TMEM178B: variants seen among roughly 807,000 people sequenced by gnomAD.
TMEM178B encodes transmembrane protein 178B.
TMEM178B carries 5 observed loss-of-function variants against 31.0 expected under a neutral mutation model. The observed-to-expected ratio is 0.16, with a 90% confidence interval of 0.08 to 0.34. TMEM178B has a LOEUF of 0.34. TMEM178B is among the 10% of genes least tolerant of loss of function. The probability of loss-of-function intolerance (pLI) is 1.00; values close to 1 mark genes in which losing one functional copy is unlikely to be tolerated. For missense variants in TMEM178B, 275 were observed against 400.3 expected, an observed-to-expected ratio of 0.69 and a Z score of 2.67; for synonymous variants, 164 against 164.0, an observed-to-expected ratio of 1.00 and a Z score of 0.00.
At chr7:141,087,660 A>G (rs1206675254) in intron 1 of TMEM178B, among the ~76,000 whole-genome samples, 5 of 152,158 alleles carry the variant, frequency 3.3e-5, no homozygotes, top group Admixed American at 2.0e-4. Flanking sequence ...GAAATAGAGT[A>G]TATTTGTCTT....
intron 3 of TMEM178B, among the ~76,000 whole-genome samples, chr7:141,453,227 C>T (rs546055030): frequency 6.6e-6 from 1 of 152,326 alleles, no homozygotes; most frequent in East Asian, 1.9e-4. Context: ...GAGTCAAAAC[C>T]TCCTTGGTGG....
chr7:141,364,267 TCA>T (rs1429274447), intron 2 of TMEM178B, among the ~76,000 whole-genome samples: 1 of 152,182 alleles, frequency 6.6e-6, no homozygotes, highest in Non-Finnish European at 1.5e-5. Context: ...TCATTTTAGT[TCA>T]GTTAGAGATG....
chr7:141,501,411 TCTC>T, the TMEM178B span, among the ~76,000 whole-genome samples: 2 of 151,980 alleles, frequency 1.3e-5, no homozygotes, highest in Non-Finnish European at 2.9e-5. Flanking sequence ...TTTATAGTCT[TCTC>T]CTTATCTACA....
chr7:141,357,945 A>G (rs568196808), intron 2 of TMEM178B, among the ~76,000 whole-genome samples: 2 of 152,314 alleles, frequency 1.3e-5, no homozygotes, highest in African/African-American at 4.8e-5. Flanking sequence ...GTTACAGACT[A>G]CAGAGTCCCA....
chr7:141,163,332 C>T (rs1313531867), intron 1 of TMEM178B, among the ~76,000 whole-genome samples: 5 of 152,176 alleles, frequency 3.3e-5, no homozygotes, highest in Admixed American at 2.6e-4. Context: ...CTGTCACTCT[C>T]ACCATATGAT....
At chr7:141,452,932 A>G (rs1321173822) in intron 3 of TMEM178B, among the ~76,000 whole-genome samples, 1 of 152,186 alleles carries the variant, frequency 6.6e-6, no homozygotes, top group Admixed American at 6.5e-5. Flanking sequence ...GTCAGACACA[A>G]TCTTGTCTCA....
intron 2 of TMEM178B, among the ~76,000 whole-genome samples, chr7:141,371,295 G>T (rs576957284): frequency 6.7e-6 from 1 of 148,706 alleles, no homozygotes; most frequent in African/African-American, 2.5e-5. Flanking sequence ...GAGCTGGTTG[G>T]TAAAAAAAAA....
intron 2 of TMEM178B, among the ~76,000 whole-genome samples, chr7:141,397,935 T>C (rs1250061981): frequency 3.9e-5 from 6 of 152,162 alleles, no homozygotes; most frequent in Non-Finnish European, 8.8e-5. Context: ...AGCTGTGATA[T>C]TGGCCCCTCT....
At chr7:141,509,104 A>G in the TMEM178B span, among the ~76,000 whole-genome samples, 1 of 152,196 alleles carries the variant, frequency 6.6e-6, no homozygotes, top group Non-Finnish European at 1.5e-5. Context: ...TAAACATCCT[A>G]TTACATGTGT....
the TMEM178B span, among the ~76,000 whole-genome samples, chr7:141,503,482 C>A: frequency 3.3e-5 from 5 of 152,140 alleles, no homozygotes; most frequent in African/African-American, 1.2e-4. Flanking sequence ...GGAAGCATGG[C>A]CACTGTTAAA....
chr7:141,156,883 G>A (rs1009577610), intron 1 of TMEM178B, among the ~76,000 whole-genome samples: 1 of 152,180 alleles, frequency 6.6e-6, no homozygotes, highest in African/African-American at 2.4e-5. Context: ...GGTTTCAGAT[G>A]CATCTGTTGA....
the TMEM178B span, among the ~76,000 whole-genome samples, chr7:141,507,380 C>CA: frequency 6.7e-6 from 1 of 148,976 alleles, no homozygotes; most frequent in Non-Finnish European, 1.5e-5. Flanking sequence ...AACCTCAACT[C>CA]TTTTTTTTTT....
At chr7:141,294,625 C>T (rs1399797648) in intron 2 of TMEM178B, among the ~76,000 whole-genome samples, 1 of 152,188 alleles carries the variant, frequency 6.6e-6, no homozygotes, top group African/African-American at 2.4e-5. Flanking sequence ...GGGGATTGTC[C>T]TTTAGAGACC....
intron 2 of TMEM178B, among the ~76,000 whole-genome samples, chr7:141,357,862 T>C (rs1344082043): frequency 6.6e-6 from 1 of 152,222 alleles, no homozygotes; most frequent in East Asian, 1.9e-4. Context: ...GAGAACATTA[T>C]CCAGAGAAGG....
At chr7:141,174,635 C>CT (rs1298943725) in intron 1 of TMEM178B, among the ~76,000 whole-genome samples, 1 of 152,138 alleles carries the variant, frequency 6.6e-6, no homozygotes, top group East Asian at 1.9e-4. Context: ...TGTTTCCTGA[C>CT]TTTTTAATGA....
At chr7:141,211,921 C>T (rs538923615) in intron 1 of TMEM178B, among the ~76,000 whole-genome samples, 2 of 152,224 alleles carry the variant, frequency 1.3e-5, no homozygotes, top group South Asian at 2.1e-4. Context: ...TGTTGCCAGC[C>T]CTGGGACCAC....
intron 2 of TMEM178B, among the ~76,000 whole-genome samples, chr7:141,216,078 G>A (rs1447515550): frequency 2.6e-5 from 4 of 151,814 alleles, no homozygotes; most frequent in Non-Finnish European, 1.5e-5. Flanking sequence ...AGATCCACCT[G>A]CCTCAGCCTT....
In TMEM178B at chr7:141,455,023, A is replaced by G. The variant is rs993469649; in HGVS notation, c.635-15513A>G. On this transcript the variant is annotated intron_variant, in intron 3 of 3. Transcript: ENST00000565468. ...GGACATTCCTGATGGGCTGAAGTCCATGCTGAGCTCCTTTGGGCCCTCTTC... is the reference window on the plus strand; with the variant it reads ...GGACATTCCTGATGGGCTGAAGTCCGTGCTGAGCTCCTTTGGGCCCTCTTC... Among the ~76,000 whole-genome samples the G allele has an allele frequency of 2.0e-5, 3 of 152,058 alleles. No individual in the cohort carries two copies. In the East Asian group the frequency reaches 5.8e-4, roughly 29 times the overall value.
At chr7:141,308,237 T>C (rs149452662) in intron 2 of TMEM178B, among the ~76,000 whole-genome samples, 29 of 152,306 alleles carry the variant, frequency 1.9e-4, no homozygotes, top group African/African-American at 7.0e-4. Context: ...GAACTCCAGC[T>C]GAAAGAGATA....
Sources: allele counts gnomAD v4.1 joint callset (sites outside exome capture counted in the v4.1 genomes callset), GRCh38; gene constraint gnomAD v4.1.1; transcripts MANE v1.5; gene names NCBI Gene and HGNC (gene_info 2026-07-23, HGNC 2026-07-21).